The following LAMB2 variants were observed in gnomAD, a reference collection of about 807,000 sequenced individuals.
LAMB2 encodes the protein laminin subunit beta 2, also known as laminin subunit beta-2.
A neutral mutation model predicts 202.7 loss-of-function variants in LAMB2; 119 were observed. That is an observed-to-expected ratio of 0.59 (90% CI 0.51 to 0.68). The LOEUF is 0.68. Ranked by LOEUF, LAMB2 falls within the 30% of genes least tolerant of loss-of-function variation. The pLI is 0.00. For synonymous variants in LAMB2, 818 were observed against 902.2 expected, an observed-to-expected ratio of 0.91 and a Z score of 1.67; for missense variants, 2,124 against 2,410.6, an observed-to-expected ratio of 0.88 and a Z score of 2.49.
In LAMB2 at chr3:49,130,660, G is replaced by T; in HGVS notation, c.1036+80C>A. The T allele has an allele frequency of 6.2e-7, 1 of 1,601,720 alleles. No homozygotes were observed. Among genetic ancestry groups the T allele is most frequent in the South Asian group, 1.1e-5 (1 of 90,596 alleles). On this transcript the variant is annotated intron_variant, in intron 8 of 31. Transcript: ENST00000305544. This position sits in a 1 kb window ranked among gnomAD's most constrained non-coding sequence, Gnocchi z 5.0. ...GATACAGCCTGGGTTTTAGGGGCTT[G>T]ACCAACTAGCTCTAGGTTCTACCCA...
In LAMB2 at chr3:49,122,893, C is replaced by T. The variant is rs759732293; in HGVS notation, c.4384G>A (p.Glu1462Lys). 6.2e-7 allele frequency: 1 copy of T among 1,610,110 alleles called. No homozygotes were observed. The highest frequency in any genetic ancestry group is 1.1e-5 in the South Asian group (1 of 91,084). The change falls in exon 27 of 32, where the codon GAG becomes AAG. Residue 1462 changes from glutamate to lysine, a missense_variant. Transcript: ENST00000305544. ...ALGRARHTQA[E>K]LQRALAEGGS... is the part of the protein sequence containing the mutation. Reference sequence around the variant, plus strand: ...CCTTCTGCCAGTGCCCGCTGCAGCTCTGCCTGTGTGTGCCGGGCCCGGCCC... The same window carrying T: ...CCTTCTGCCAGTGCCCGCTGCAGCTTTGCCTGTGTGTGCCGGGCCCGGCCC...
In LAMB2 at chr3:49,131,736, G is replaced by T. The variant is rs943146107; in HGVS notation, c.460-13C>A. On this transcript the variant is annotated splice_polypyrimidine_tract_variant and intron_variant, in intron 4 of 31. Coordinates refer to ENST00000305544, the MANE Select transcript of LAMB2 (RefSeq NM_002292.4). The surrounding 1 kb of genome is among the most constrained non-coding windows in gnomAD (Gnocchi z 5.0). The stretch of plus-strand genomic sequence containing the variant: ...CAGGGCGAAATGTCTGGGTAGGGGG[G>T]CATAGCTGATCAGCAGGCACCAGGA... The T allele has an allele frequency of 6.2e-7, 1 of 1,612,468 alleles. No homozygotes were observed. The highest frequency in any genetic ancestry group is 8.5e-7 in the Non-Finnish European group (1 of 1,179,976).
chr3:49,125,050 T>A lies in LAMB2; in HGVS notation c.2840A>T (p.Glu947Val), dbSNP rs753039246. 9.9e-6 allele frequency: 16 copies of A among 1,613,820 alleles called. No individual in the cohort carries two copies. In the East Asian group the frequency reaches 3.3e-4, roughly 34 times the overall value. Residue 947 changes from glutamate to valine, a missense_variant, in exon 20 of 32, where the codon GAA (glutamate) becomes GTA (valine). This residue lies in a region of LAMB2 where 1,702 missense variants were observed against 1,896.3 expected (regional missense o/e 0.90). Transcript: ENST00000305544. ...GTGGCACACAATCTGCTGGGAATAT[T>A]CATCCTGGTGGCAAGAAGTAGCAAA... The part of the protein sequence containing the change: ...RHFATSCHQD[E>V]YSQQIVCHCR...
Position 49,122,885 on chromosome 3 carries a change from C to T in LAMB2, c.4392G>A (p.Gln1464=), listed in dbSNP as rs1331931048. 2 of 1,610,308 alleles carry T rather than the reference C, an allele frequency of 1.2e-6. No homozygotes were observed. Among genetic ancestry groups the T allele is most frequent in the Non-Finnish European group, 1.7e-6 (2 of 1,180,008 alleles). Residue 1464 remains glutamine (Q), a synonymous_variant, in exon 27 of 32, where the codon CAG becomes CAA. Coordinates refer to ENST00000305544, the MANE Select transcript of LAMB2 (RefSeq NM_002292.4). ...GRARHTQAEL[Q]RALAEGGSIL... ...TGCTACCACCTTCTGCCAGTGCCCG[C>T]TGCAGCTCTGCCTGTGTGTGCCGGG...
Position 49,124,790 on chromosome 3 carries a change from C to T in LAMB2, c.3020G>A (p.Cys1007Tyr). The T allele has an allele frequency of 6.2e-7, 1 of 1,614,216 alleles. No homozygotes were observed. Among genetic ancestry groups the T allele is most frequent in the Non-Finnish European group, 8.5e-7 (1 of 1,180,042 alleles). ...PDACDPHTGQCLRCLHHTEGP... is the reference protein window; with the variant it reads ...PDACDPHTGQYLRCLHHTEGP... Reference sequence around the variant, plus strand: ...CTCTGTGTGGTGTAAACAGCGCAGGCATTGCCCCGTGTGGGGGTCACAGGC... The same window carrying T: ...CTCTGTGTGGTGTAAACAGCGCAGGTATTGCCCCGTGTGGGGGTCACAGGC... Residue 1007 changes from cysteine to tyrosine, a missense_variant, in exon 21 of 32, where the codon TGC becomes TAC. This residue lies in a region of LAMB2 where 1,702 missense variants were observed against 1,896.3 expected (regional missense o/e 0.90). Coordinates refer to ENST00000305544, the MANE Select transcript of LAMB2 (RefSeq NM_002292.4).
In LAMB2 at chr3:49,129,097, A is replaced by G. The variant is rs2045454131; in HGVS notation, c.1654T>C (p.Cys552Arg). The change falls in exon 13 of 32, where the codon TGT becomes CGT. Residue 552 changes from cysteine to arginine, a missense_variant. Coordinates refer to ENST00000305544, the MANE Select transcript of LAMB2 (RefSeq NM_002292.4). This position sits in a 1 kb window ranked among gnomAD's most constrained non-coding sequence, Gnocchi z 6.1. ...HCRQHMVGRR[C>R]EQVQPGYFRP... The stretch of plus-strand genomic sequence containing the variant: ...AAGTAGCCAGGTTGCACCTGCTCAC[A>G]GCGTCGCCCAACCATGTGCTGGCGG... The G allele has an allele frequency of 6.2e-7, 1 of 1,613,984 alleles. No homozygotes were observed. Among genetic ancestry groups the G allele is most frequent in the Admixed American group, 1.7e-5 (1 of 60,024 alleles).
intron 15 of LAMB2, 87 bp from the exon 16 acceptor site, chr3:49,126,584 C>T (rs1288358760): frequency 6.4e-7 from 1 of 1,572,834 alleles, no homozygotes; most frequent in Admixed American, 1.7e-5. Context: ...TCCCAGCAAC[C>T]AGGCCATTGG....
In LAMB2 at chr3:49,128,653, G is replaced by T. The variant is rs774610142; in HGVS notation, c.1890+8C>A. On this transcript the variant is annotated splice_region_variant and intron_variant, in intron 14 of 31. Coordinates refer to ENST00000305544, the MANE Select transcript of LAMB2 (RefSeq NM_002292.4). Reference sequence around the variant, plus strand: ...GGTTCAGCCCCAGATTAGATAACAGGGTCTAACCTGGGGCTCTAAGCGCAG... The same window carrying T: ...GGTTCAGCCCCAGATTAGATAACAGTGTCTAACCTGGGGCTCTAAGCGCAG... 1.9e-5 allele frequency: 31 copies of T among 1,614,030 alleles called. No homozygotes were observed. Among genetic ancestry groups the T allele is most frequent in the Non-Finnish European group, 2.5e-5 (29 of 1,180,016 alleles).
At position 49,129,886 on chromosome 3, in the gene LAMB2, C is replaced by T. The variant is rs1428596182; in HGVS notation, c.1358G>A (p.Arg453His). The T allele has an allele frequency of 7.4e-6, 12 of 1,613,984 alleles. 1 individual carries two copies. Among genetic ancestry groups the T allele is most frequent in the South Asian group, 4.4e-5 (4 of 91,086 alleles). Residue 453 changes from arginine to histidine, a missense_variant, in exon 10 of 32, where the codon CGT (arginine) becomes CAT (histidine). Around this residue, in one of 3 missense-constraint regions of LAMB2, gnomAD observed 1,702 missense variants for 1,896.3 expected, o/e 0.90. Transcript: ENST00000305544. The surrounding 1 kb of genome is among the most constrained non-coding windows in gnomAD (Gnocchi z 6.1). ...GATGCTGAGCCCAAAGAAGCCATCA[C>T]GGCATTGCTGGCAGCGAGTGCCCAC... ...HVVGTRCQQC[R>H]DGFFGLSISD...
At position 49,125,967 on chromosome 3, in the gene LAMB2, G is replaced by A. The variant is rs199837675; in HGVS notation, c.2344C>T (p.Pro782Ser). 36 of 1,614,014 alleles carry A rather than the reference G, an allele frequency of 2.2e-5. No homozygotes were observed. Among genetic ancestry groups the A allele is most frequent in the Admixed American group, 6.7e-5 (4 of 60,014 alleles). Residue 782 changes from proline to serine, a missense_variant and splice_region_variant, in exon 17 of 32, where the codon CCA becomes TCA. Physicochemically the swap from Pro to Ser is moderately conservative, Grantham distance 74 (BLOSUM62 -1). Coordinates refer to ENST00000305544, the MANE Select transcript of LAMB2 (RefSeq NM_002292.4). ...LSTLIYNGALPCQCNPQGSLS... is the reference protein window; with the variant it reads ...LSTLIYNGALSCQCNPQGSLS... ...ATCAACCCACATCACAGACACTCAC[G>A]CAGGGCACCATTGTAGATGAGGGTG...
chr3:49,122,981 ATCC>A lies in LAMB2; in HGVS notation c.4293_4295del (p.Glu1431del), dbSNP rs1367612241. On this transcript the variant is annotated inframe_deletion, in exon 27 of 32. Coordinates refer to ENST00000305544, the MANE Select transcript of LAMB2 (RefSeq NM_002292.4). Reference sequence around the variant, plus strand: ...TGAGGCCCCCACAGCGCGGCTGCCCATCCTCATCTCGACAGCCGGCACCCCCAC... The same window carrying A: ...TGAGGCCCCCACAGCGCGGCTGCCCATCATCTCGACAGCCGGCACCCCCAC... 2 of 1,608,966 alleles carry A rather than the reference ATCC, an allele frequency of 1.2e-6. No individual in the cohort carries two copies. Among genetic ancestry groups the A allele is most frequent in the South Asian group, 2.2e-5 (2 of 91,074 alleles).
At chr3:49,126,623 T>C (rs1481766498) in intron 15 of LAMB2, 126 bp from the exon 16 acceptor site, 10 of 1,253,836 alleles carry the variant, frequency 8.0e-6, no homozygotes, top group South Asian at 2.7e-5. Context: ...CTGGGTTGCG[T>C]TGGGCTGCGC....
Position 49,126,113 on chromosome 3 carries a change from C to A in LAMB2, c.2198G>T (p.Gly733Val), listed in dbSNP as rs773206918. ...CTGGCGCTCCAGGGCAGCAGCATCACCCCCACTAAACATCTCTAGCACCAG... is the reference window on the plus strand; with the variant it reads ...CTGGCGCTCCAGGGCAGCAGCATCAACCCCACTAAACATCTCTAGCACCAG... Reference protein sequence around the residue: ...RVLVLEMFSGGDAAALERQAT... With the variant: ...RVLVLEMFSGVDAAALERQAT... The change falls in exon 17 of 32, where the codon GGT becomes GTT. Residue 733 changes from glycine (G) to valine (V), a missense_variant. Physicochemically the swap from Gly to Val is moderately radical, Grantham distance 109. Transcript: ENST00000305544. 6.2e-7 allele frequency: 1 copy of A among 1,613,712 alleles called. No homozygotes were observed. Among genetic ancestry groups the A allele is most frequent in the Non-Finnish European group, 8.5e-7 (1 of 1,180,020 alleles).
chr3:49,132,618 C>T lies in LAMB2; in HGVS notation c.122G>A (p.Gly41Asp). 1 of 1,613,924 alleles carries T rather than the reference C, an allele frequency of 6.2e-7. No individual in the cohort carries two copies. Among genetic ancestry groups the T allele is most frequent in the South Asian group, 1.1e-5 (1 of 91,058 alleles). Residue 41 changes from glycine (G) to aspartate (D), a missense_variant, in exon 2 of 32, where the codon GGC becomes GAC. Physicochemically the swap from Gly to Asp is moderately conservative, Grantham distance 94. Around this residue, in one of 3 missense-constraint regions of LAMB2, gnomAD observed 166 missense variants for 158.2 expected, o/e 1.05. Transcript: ENST00000305544. This position sits in a 1 kb window ranked among gnomAD's most constrained non-coding sequence, Gnocchi z 4.6. ...GGGGTAGCAGCTTCCCCTGGAACAG[C>T]CAGGCACATCCGGGGCAGGGGCCTG... is the stretch of plus-strand genomic sequence containing the variant. ...LAQAPAPDVP[G>D]CSRGSCYPAT...
rs761206927 is a variant in LAMB2 at position 49,125,903 on chromosome 3, G to A, written c.2345-13C>T. ...TTGCACTGACATGCTGTGGGGAGGA[G>A]GGTTGGGCCAAGTCAGGCTGGGTCC... On this transcript the variant is annotated splice_polypyrimidine_tract_variant and intron_variant, in intron 17 of 31. Coordinates refer to ENST00000305544, the MANE Select transcript of LAMB2 (RefSeq NM_002292.4). 9 of 1,614,014 alleles carry A rather than the reference G, an allele frequency of 5.6e-6. No individual in the cohort carries two copies. Among genetic ancestry groups the A allele is most frequent in the Admixed American group, 1.7e-5 (1 of 60,012 alleles).
rs1360049718 is a variant in LAMB2 at position 49,129,005 on chromosome 3, G to C, written c.1731+15C>G. 1.2e-6 allele frequency: 2 copies of C among 1,606,612 alleles called. No individual in the cohort carries two copies. The highest frequency in any genetic ancestry group is 1.7e-5 in the Admixed American group (1 of 60,014). On this transcript the variant is annotated intron_variant, in intron 13 of 31. Coordinates refer to ENST00000305544, the MANE Select transcript of LAMB2 (RefSeq NM_002292.4). This position sits in a 1 kb window ranked among gnomAD's most constrained non-coding sequence, Gnocchi z 6.1. ...CACCCACATCCAGCCCTCTGCTTAG[G>C]GGGAGGCCCCACACCTGCCCTCGGG...
Position 49,126,345 on chromosome 3 carries a change from G to A in LAMB2, c.2151+20C>T, listed in dbSNP as rs753985084. The A allele has an allele frequency of 6.2e-7, 1 of 1,614,132 alleles. No homozygotes were observed. Among genetic ancestry groups the A allele is most frequent in the South Asian group, 1.1e-5 (1 of 91,076 alleles). The stretch of plus-strand genomic sequence containing the variant: ...GGGCCCTGCCATCTTGGTTGGTGTG[G>A]GCAAGAGGAGATTATTCACCGAGTC... On this transcript the variant is annotated intron_variant, in intron 16 of 31. Transcript: ENST00000305544.
Position 49,131,725 on chromosome 3 carries a change from T to C in LAMB2, c.460-2A>G. 1 of 1,612,904 alleles carries C rather than the reference T, an allele frequency of 6.2e-7. No homozygotes were observed. The highest frequency in any genetic ancestry group is 8.5e-7 in the Non-Finnish European group (1 of 1,180,000). ...CAGCATGGCAGCAGGGCGAAATGTC[T>C]GGGTAGGGGGGCATAGCTGATCAGC... On this transcript the variant is annotated splice_acceptor_variant, in intron 4 of 31. Transcript: ENST00000305544. LOFTEE classifies it high-confidence loss of function. This position sits in a 1 kb window ranked among gnomAD's most constrained non-coding sequence, Gnocchi z 5.0.
rs763696068 is a variant in LAMB2, at chr3:49,123,245, G to T, written c.4111C>A (p.Leu1371Met). Residue 1371 changes from leucine to methionine, a missense_variant, in exon 26 of 32, where the codon CTG becomes ATG. Coordinates refer to ENST00000305544, the MANE Select transcript of LAMB2 (RefSeq NM_002292.4). ...AAGTCCTCCTTCTGAGCATCCATCA[G>T]TGCCTCTGTCCGATGCCGAGCACTT... ...SASARHRTEA[L>M]MDAQKEDFNS... 1 of 1,614,058 alleles carries T rather than the reference G, an allele frequency of 6.2e-7. No individual in the cohort carries two copies. The highest frequency in any genetic ancestry group is 2.2e-5 in the East Asian group (1 of 44,890).
Sources: gnomAD v4.1 joint callset for allele counts on GRCh38, gnomAD v4.1.1 for gene constraint, gnomAD v4.1.1 regional missense constraint, Gnocchi (gnomAD v3.1) non-coding constraint, MANE v1.5 for transcripts, NCBI Gene and HGNC (gene_info 2026-07-23, HGNC 2026-07-21) for gene names.